The following TSPAN11 variants were observed in gnomAD, a reference collection of about 807,000 sequenced individuals.
TSPAN11 encodes tetraspanin 11, also known as tetraspanin-11.
In TSPAN11, 29 loss-of-function variants were observed where a neutral mutation model predicts 32.9. The observed-to-expected ratio is 0.88, with a 90% CI of 0.66 to 1.20. TSPAN11 has a LOEUF of 1.20. Ranked by LOEUF, TSPAN11 falls within the 50% of genes most tolerant of loss-of-function variation. TSPAN11 has a pLI of 0.00. For synonymous variants in TSPAN11, 140 were observed against 141.3 expected (o/e 0.99, Z 0.07); for missense variants, 283 against 329.1 (o/e 0.86, Z 1.08).
At chr12:30,968,848 C>G (rs1592484689) in intron 3 of TSPAN11, among the ~76,000 whole-genome samples, 1 of 152,188 alleles carries the variant, frequency 6.6e-6, no homozygotes, top group East Asian at 1.9e-4. Flanking sequence ...CACTAAAGTC[C>G]ACAATCAAAG....
intron 5 of TSPAN11, among the ~76,000 whole-genome samples, chr12:30,981,423 A>G (rs1026920455): frequency 2.0e-5 from 3 of 152,200 alleles, no homozygotes; most frequent in African/African-American, 7.2e-5. Flanking sequence ...AGTCCTTACA[A>G]CAGCATGGCA....
At chr12:30,958,066 G>A (rs981002878) in intron 2 of TSPAN11, among the ~76,000 whole-genome samples, 2 of 151,972 alleles carry the variant, frequency 1.3e-5, no homozygotes, top group East Asian at 1.9e-4. Context: ...GCTGGGAGAG[G>A]GGGGCAGGGA....
intron 1 of TSPAN11, among the ~76,000 whole-genome samples, chr12:30,941,300 TC>T (rs1224928962): frequency 6.6e-6 from 1 of 152,168 alleles, no homozygotes; most frequent in African/African-American, 2.4e-5. Context: ...TTGGAACCAA[TC>T]CCCCGCATAT....
intron 7 of TSPAN11, among the ~76,000 whole-genome samples, chr12:30,988,008 T>C (rs996742624): frequency 6.6e-6 from 1 of 152,238 alleles, no homozygotes; most frequent in Non-Finnish European, 1.5e-5. Context: ...GGGCAGAGGC[T>C]GGGGGCCGGC....
At chr12:30,984,323 C>A (rs1939156462) in intron 7 of TSPAN11, among the ~76,000 whole-genome samples, 2 of 152,228 alleles carry the variant, frequency 1.3e-5, no homozygotes, top group South Asian at 2.1e-4. Context: ...CCATTGACTT[C>A]TTCATCTGCA....
intron 1 of TSPAN11, among the ~76,000 whole-genome samples, chr12:30,951,940 A>G (rs1330287502): frequency 6.6e-6 from 1 of 152,248 alleles, no homozygotes; most frequent in East Asian, 1.9e-4. Flanking sequence ...TTCTTTCTGC[A>G]GAAGATTGAA....
intron 1 of TSPAN11, among the ~76,000 whole-genome samples, chr12:30,937,028 A>C (rs1211960928): frequency 6.6e-6 from 1 of 152,248 alleles, no homozygotes; most frequent in Non-Finnish European, 1.5e-5. Context: ...AGAAGAATAC[A>C]ATGAGAGTGG....
At chr12:30,945,619 GCCAGCTGGGC>G (rs1313839857) in intron 1 of TSPAN11, among the ~76,000 whole-genome samples, 1 of 151,626 alleles carries the variant, frequency 6.6e-6, no homozygotes, top group Non-Finnish European at 1.5e-5. Context: ...CATCTGGCCA[GCCAGCTGGGC>G]CCTTTCTACA....
chr12:30,961,050 T>C (rs1411835187), intron 2 of TSPAN11, among the ~76,000 whole-genome samples: 2 of 145,090 alleles, frequency 1.4e-5, no homozygotes, highest in African/African-American at 5.1e-5. Context: ...AAAAGAAAAA[T>C]GTAGTTATTA....
At position 30,931,088 on chromosome 12, in the gene TSPAN11, A is replaced by G. The variant is rs531790549; in HGVS notation, c.-12+4292A>G. ...GGAGTAGGGGACCCTCCTTGATGGT[A>G]GTGTGGGATAAACCCCCCAGTGGTT... is the stretch of plus-strand genomic sequence containing the variant. On this transcript the variant is annotated intron_variant, in intron 1 of 7. Transcript: ENST00000546076. Among the ~76,000 whole-genome samples the G allele has an allele frequency of 5.3e-4, 80 of 152,268 alleles. 2 individuals are homozygous for G. The South Asian group carries it at 0.017, about 32-fold the overall frequency.
downstream of TSPAN11, chr12:30,996,709 C>A (rs1455516815): frequency 6.6e-6 from 1 of 152,160 alleles, no homozygotes; most frequent in Non-Finnish European, 1.5e-5. Context: ...TTAGCCACGG[C>A]TCCCCTATGA....
At chr12:30,987,637 C>T (rs968549898) in intron 7 of TSPAN11, among the ~76,000 whole-genome samples, 25 of 152,148 alleles carry the variant, frequency 1.6e-4, no homozygotes, top group Admixed American at 1.2e-3. Flanking sequence ...CTGGGCTCCC[C>T]GCAGCAAAAT....
At chr12:30,959,076 G>A (rs552168025) in intron 2 of TSPAN11, among the ~76,000 whole-genome samples, 95 of 152,272 alleles carry the variant, frequency 6.2e-4, no homozygotes, top group Admixed American at 5.3e-3. Context: ...CAGAAGCTCG[G>A]CAGACAGAGG....
Position 30,958,548 on chromosome 12 carries a change from G to A in TSPAN11, c.84+4473G>A, listed in dbSNP as rs141225666. Among the ~76,000 whole-genome samples the A allele has an allele frequency of 3.9e-5, 6 of 152,208 alleles. No individual in the cohort carries two copies. The East Asian group carries it at 5.8e-4, about 15-fold the overall frequency. On this transcript the variant is annotated intron_variant, in intron 2 of 7. Coordinates refer to ENST00000546076, the MANE Select transcript of TSPAN11 (RefSeq NM_001370302.1). ...GTATAGGGCTCAGCTGTGCTCTCTC[G>A]GGGCTGCAGTCTAAGGTTCAGCTGA...
At chr12:31,008,947 G>A in the TSPAN11 span, among the ~76,000 whole-genome samples, 1 of 152,282 alleles carries the variant, frequency 6.6e-6, no homozygotes. Flanking sequence ...CCTTGAGGTG[G>A]GTAAGCCAAG....
chr12:30,996,602 A>G (rs1939421860), downstream of TSPAN11: 2 of 152,304 alleles, frequency 1.3e-5, no homozygotes, highest in South Asian at 2.1e-4. Context: ...ATCTAGGACT[A>G]CCTTCTGTTG....
At chr12:30,989,824 A>G (rs2140313162) in intron 7 of TSPAN11, among the ~76,000 whole-genome samples, 1 of 152,298 alleles carries the variant, frequency 6.6e-6, no homozygotes, top group African/African-American at 2.4e-5. Context: ...GAAGCCTCAG[A>G]GGAAGCTGAA....
chr12:30,991,753 C>T, intron 7 of TSPAN11, 103 bp from the exon 8 acceptor site: 2 of 1,269,286 alleles, frequency 1.6e-6, no homozygotes, highest in South Asian at 2.4e-5. Context: ...TTTGCCCAGG[C>T]CCCAGGGTAT....
At chr12:30,957,861 T>TTCCCTCCC (rs1555197280) in intron 2 of TSPAN11, among the ~76,000 whole-genome samples, 3 of 30,524 alleles carry the variant, frequency 9.8e-5, no homozygotes, top group African/African-American at 1.5e-4. Context: ...CCTTCCTTCC[T>TTCCCTCCC]TCCCTCCCTC....
Sources: gnomAD v4.1 joint callset for allele counts (sites outside exome capture counted in the v4.1 genomes callset) on GRCh38, gnomAD v4.1.1 for gene constraint, MANE v1.5 for transcripts, NCBI Gene and HGNC (gene_info 2026-07-23, HGNC 2026-07-21) for gene names.